LARP4B: variants seen among roughly 807,000 people sequenced by gnomAD.
LARP4B encodes la-related protein 4B.
A neutral mutation model predicts 89.8 loss-of-function variants in LARP4B; 12 were observed. The observed-to-expected ratio is 0.13, with a 90% confidence interval of 0.09 to 0.22. The LOEUF (loss-of-function observed/expected upper bound fraction) is 0.22. Among genes scored for constraint, LARP4B ranks in the 10% least tolerant of loss-of-function variants. LARP4B has a pLI of 1.00. For missense variants in LARP4B, 757 were observed against 947.7 expected (o/e 0.80, Z 2.64); for synonymous variants, 367 against 363.3 (o/e 1.01, Z -0.12).
chr10:825,197 C>T lies in LARP4B; in HGVS notation c.1352G>A (p.Ser451Asn). The change falls in exon 13 of 18, where the codon AGT (serine) becomes AAT (asparagine). Residue 451 changes from serine to asparagine, a missense_variant. Coordinates refer to ENST00000316157, the MANE Select transcript of LARP4B (RefSeq NM_015155.3). ...TTGACCTGCTTGCCTTGTTTGTGGACTCCGGACACCATTAATTAATCGATC... is the reference window on the plus strand; with the variant it reads ...TTGACCTGCTTGCCTTGTTTGTGGATTCCGGACACCATTAATTAATCGATC... ...TADRLINGVR[S>N]PQTRQAGQTR... is the part of the protein sequence containing the mutation. 2 of 1,614,142 alleles carry T rather than the reference C, an allele frequency of 1.2e-6. No individual in the cohort carries two copies. Among genetic ancestry groups the T allele is most frequent in the Non-Finnish European group, 1.7e-6 (2 of 1,180,030 alleles).
intron 3 of LARP4B, among the ~76,000 whole-genome samples, chr10:873,824 A>T (rs143248663): frequency 6.6e-6 from 1 of 152,372 alleles, no homozygotes; most frequent in Non-Finnish European, 1.5e-5. Context: ...TCTGGGATAA[A>T]GTGACACATT....
chr10:939,207 G>T, the LARP4B span, among the ~76,000 whole-genome samples: 8 of 152,244 alleles, frequency 5.3e-5, no homozygotes, highest in African/African-American at 1.9e-4. Context: ...GGAGGCTGCA[G>T]TGGAGTTGAA....
intron 1 of LARP4B, among the ~76,000 whole-genome samples, chr10:897,753 C>T (rs1316876997): frequency 5.3e-5 from 8 of 151,938 alleles, no homozygotes; most frequent in Non-Finnish European, 1.2e-4. Flanking sequence ...TTTCCGAGGC[C>T]GAAGCAGGCA....
intron 1 of LARP4B, among the ~76,000 whole-genome samples, chr10:885,968 T>C (rs1288665347): frequency 1.3e-5 from 2 of 152,184 alleles, no homozygotes; most frequent in African/African-American, 2.4e-5. Context: ...CACACCATTT[T>C]GGTGAAGATG....
rs1191387252 is a variant in LARP4B at position 922,260 on chromosome 10, C to T, written c.-40+9168G>A. On this transcript the variant is annotated intron_variant, in intron 1 of 17. Transcript: ENST00000316157. The stretch of plus-strand genomic sequence containing the variant: ...TGCTCATCTGAGAGGAGGTGGAGCT[C>T]AGGCAGTAATGCTCACTCACCCTGC... Among the ~76,000 whole-genome samples, 4 of 152,204 alleles carry T rather than the reference C, an allele frequency of 2.6e-5. No individual in the cohort carries two copies. In the East Asian group the frequency reaches 7.7e-4, roughly 29 times the overall value.
intron 3 of LARP4B, among the ~76,000 whole-genome samples, chr10:867,309 C>T (rs967844780): frequency 6.6e-5 from 10 of 151,998 alleles, no homozygotes; most frequent in African/African-American, 2.4e-4. Flanking sequence ...TCTTGGAGGT[C>T]GTTATTCACT....
In LARP4B at chr10:829,499, G is replaced by A. The variant is rs546506788; in HGVS notation, c.1011C>T (p.Tyr337=). The change falls in exon 11 of 18, where the codon TAC becomes TAT. Residue 337 remains tyrosine, a synonymous_variant. Transcript: ENST00000316157. The stretch of plus-strand genomic sequence containing the variant: ...TGGGAGGGAAGTAGAACGACGTCGC[G>A]TAGCGCTGCTGGGCATACAGGCTCA... ...LDVSLYAQQR[Y]ATSFYFPPMY... The A allele has an allele frequency of 1.2e-5, 19 of 1,614,152 alleles. No individual in the cohort carries two copies. Among genetic ancestry groups the A allele is most frequent in the East Asian group, 6.7e-5 (3 of 44,878 alleles).
rs1233358558 is a variant in LARP4B at position 822,899 on chromosome 10, T to C, written c.1485-2054A>G. Among the ~76,000 whole-genome samples, 2 of 152,202 alleles carry C rather than the reference T, an allele frequency of 1.3e-5. No homozygotes were observed. The highest frequency in any genetic ancestry group is 2.9e-5 in the Non-Finnish European group (2 of 68,028). On this transcript the variant is annotated intron_variant, in intron 13 of 17. Transcript: ENST00000316157. This position sits in a 1 kb window ranked among gnomAD's most constrained non-coding sequence, Gnocchi z 4.6. ...CCATGCAAGGGTAGGGACATGTGTC[T>C]GGACTCTGGTAAGGGGTTCTCCAGG...
intron 3 of LARP4B, among the ~76,000 whole-genome samples, chr10:872,756 C>A (rs765866998): frequency 6.6e-6 from 1 of 152,220 alleles, no homozygotes; most frequent in Admixed American, 6.5e-5. Context: ...TTGTCGGCTG[C>A]CGTTACCCAC....
chr10:877,959 G>C (rs1244494999), intron 3 of LARP4B, among the ~76,000 whole-genome samples: 1 of 152,226 alleles, frequency 6.6e-6, no homozygotes, highest in Non-Finnish European at 1.5e-5. Context: ...GAAGTGAGGA[G>C]ACGGATGCGG....
intron 15 of LARP4B, chr10:815,476 GA>G (rs1276925760): frequency 1.3e-5 from 2 of 153,776 alleles, no homozygotes; most frequent in African/African-American, 4.8e-5. Context: ...ACACCGCTGA[GA>G]AAAAACAATC....
At chr10:868,501 A>G (rs1382847838) in intron 3 of LARP4B, among the ~76,000 whole-genome samples, 2 of 152,170 alleles carry the variant, frequency 1.3e-5, no homozygotes, top group African/African-American at 2.4e-5. Flanking sequence ...AATACCTCAT[A>G]ATGGAAAAGC....
At chr10:944,655 G>A in the LARP4B span, among the ~76,000 whole-genome samples, 15 of 152,242 alleles carry the variant, frequency 9.9e-5, no homozygotes, top group East Asian at 1.9e-4. Flanking sequence ...TCAGCCCCAC[G>A]CGTGTCTGGG....
intron 5 of LARP4B, among the ~76,000 whole-genome samples, chr10:862,717 A>ACCACTCT (rs1834690941): frequency 6.6e-6 from 1 of 151,868 alleles, no homozygotes; most frequent in Non-Finnish European, 1.5e-5. Context: ...CCGATGTCTC[A>ACCACTCT]CCACTGCACT....
intron 5 of LARP4B, among the ~76,000 whole-genome samples, chr10:863,464 C>T (rs570535671): frequency 2.6e-5 from 4 of 152,150 alleles, no homozygotes; most frequent in East Asian, 1.9e-4. Context: ...CTCCTGACCT[C>T]GTGATCTGCC....
chr10:939,831 G>A, the LARP4B span, among the ~76,000 whole-genome samples: 4 of 152,046 alleles, frequency 2.6e-5, no homozygotes, highest in Non-Finnish European at 4.4e-5. Context: ...CAACATATAT[G>A]GAGACTTGAC....
In LARP4B at chr10:845,146, C is replaced by T. The variant is rs1177102391; in HGVS notation, c.431-91G>A. The T allele has an allele frequency of 6.1e-6, 5 of 823,742 alleles. No individual in the cohort carries two copies. In the East Asian group the frequency reaches 1.3e-4, roughly 21 times the overall value. The allele number at this position is 823,742 out of a possible 1,614,324, so 51.0% of individuals were successfully genotyped here. On this transcript the variant is annotated intron_variant, in intron 5 of 17. Coordinates refer to ENST00000316157, the MANE Select transcript of LARP4B (RefSeq NM_015155.3). Reference sequence around the variant, plus strand: ...CAGCAGTTCTAATGCTTTCAACTTACGTTCTGACACAACTACGTAAGTGTA... The same window carrying T: ...CAGCAGTTCTAATGCTTTCAACTTATGTTCTGACACAACTACGTAAGTGTA...
At chr10:967,360 A>C in the LARP4B span, among the ~76,000 whole-genome samples, 4 of 152,258 alleles carry the variant, frequency 2.6e-5, no homozygotes, top group Non-Finnish European at 5.9e-5. Flanking sequence ...GTATGAAAGG[A>C]AACAAAAGCT....
rs1836339871 is a variant in LARP4B, at chr10:901,373, C to T, written c.-39-15613G>A. Among the ~76,000 whole-genome samples, 6 of 152,172 alleles carry T rather than the reference C, an allele frequency of 3.9e-5. No individual in the cohort carries two copies. In the South Asian group the frequency reaches 1.2e-3, roughly 31 times the overall value. On this transcript the variant is annotated intron_variant, in intron 1 of 17. Transcript: ENST00000316157. ...ATGGTTTATCTCACGGCTGCCAGCA[C>T]CACTCTGTAATATTTGAAATGCACA...
Sources: gnomAD v4.1 joint callset for allele counts (sites outside exome capture counted in the v4.1 genomes callset) on GRCh38, gnomAD v4.1.1 for gene constraint, Gnocchi (gnomAD v3.1) non-coding constraint, MANE v1.5 for transcripts, NCBI Gene and HGNC (gene_info 2026-07-23, HGNC 2026-07-21) for gene names.